MRPL44: variants seen among roughly 807,000 people sequenced by gnomAD.
MRPL44 encodes the protein mitochondrial ribosomal protein L44.
In MRPL44, 21 loss-of-function variants were observed where a neutral mutation model predicts 25.9. That is an observed-to-expected ratio of 0.81 (90% CI 0.58 to 1.17). The LOEUF is 1.17. MRPL44 is among the 50% of genes most tolerant of loss of function. The pLI, the probability that MRPL44 is intolerant of heterozygous loss-of-function variation, is 0.00. For missense variants in MRPL44, 410 were observed against 398.9 expected, an observed-to-expected ratio of 1.03 and a Z score of -0.24; for synonymous variants, 169 against 151.0, an observed-to-expected ratio of 1.12 and a Z score of -0.87.
chr2:223,956,555 G>A (rs992472731), upstream of MRPL44, among the ~76,000 whole-genome samples: 3 of 152,308 alleles, frequency 2.0e-5, no homozygotes, highest in Admixed American at 2.0e-4. Context: ...AATGGAAAAA[G>A]CACTTGGTGG....
upstream of MRPL44, among the ~76,000 whole-genome samples, chr2:223,953,729 C>A (rs1221337311): frequency 6.6e-6 from 1 of 152,166 alleles, no homozygotes; most frequent in Non-Finnish European, 1.5e-5. Context: ...GCCAGGAGTT[C>A]TTTTAACCCA....
Position 223,959,679 on chromosome 2 carries a change from G to C in MRPL44, c.325G>C (p.Gly109Arg). The C allele has an allele frequency of 6.2e-7, 1 of 1,614,204 alleles. No homozygotes were observed. The highest frequency in any genetic ancestry group is 8.5e-7 in the Non-Finnish European group (1 of 1,180,042). ...KSEEAKRQQL[G>R]IEKEAVLLNL... ...TGAGGAGGCCAAACGCCAACAACTT[G>C]GGATAGAGAAAGAAGCTGTTCTTCT... The change falls in exon 2 of 4, where the codon GGG (glycine) becomes CGG (arginine). Residue 109 changes from glycine to arginine, a missense_variant. Physicochemically the swap from Gly to Arg is moderately radical, Grantham distance 125 (BLOSUM62 -2). Coordinates refer to ENST00000258383, the MANE Select transcript of MRPL44 (RefSeq NM_022915.5).
At position 223,967,254 on chromosome 2, in the gene MRPL44, A is replaced by G. The variant is rs879054805; in HGVS notation, c.*220A>G. On this transcript the variant is annotated 3_prime_UTR_variant, in exon 4 of 4. Transcript: ENST00000258383. The stretch of plus-strand genomic sequence containing the variant: ...CAAATCTTTTTTTTTTTCTCTTGAG[A>G]TGGAGTCTTACTCTGTCGCCCAGGC... 6.0e-6 allele frequency: 3 copies of G among 497,072 alleles called. No individual in the cohort carries two copies. In the South Asian group the frequency reaches 8.4e-5, roughly 14 times the overall value. The allele number at this position is 497,072 out of a possible 1,614,324, so 30.8% of individuals were successfully genotyped here. A position where few individuals can be genotyped will look rare whatever the true frequency, so the allele number is the denominator to read the frequency against.
chr2:223,961,901 G>T lies in MRPL44; in HGVS notation c.649-1855G>T, dbSNP rs575784533. On this transcript the variant is annotated intron_variant, in intron 2 of 3. Transcript: ENST00000258383. ...ATCTTAGATGATGGGAAAGAGCTGT[G>T]TTTCCTAACCTTACACTTGGTTATT... Among the ~76,000 whole-genome samples the T allele has an allele frequency of 2.6e-5, 4 of 152,258 alleles. No homozygotes were observed. In the East Asian group the frequency reaches 7.7e-4, roughly 29 times the overall value.
At chr2:223,960,051 A>C in intron 2 of MRPL44, 49 bp downstream of exon 2, 1 of 1,408,322 alleles carries the variant, frequency 7.1e-7, no homozygotes, top group Non-Finnish European at 9.7e-7. Flanking sequence ...AAGGGAAAAT[A>C]TTCTTTTGTA....
chr2:223,951,919 C>G, the MRPL44 span, among the ~76,000 whole-genome samples: 1 of 152,082 alleles, frequency 6.6e-6, no homozygotes, highest in Non-Finnish European at 1.5e-5. Context: ...ATCATAAATG[C>G]CAATATTATT....
upstream of MRPL44, chr2:223,957,372 C>T (rs904520268): frequency 4.5e-5 from 66 of 1,482,612 alleles, no homozygotes; most frequent in Non-Finnish European, 6.1e-5. Context: ...TCCGCCCCAG[C>T]CTTCTCTTCG....
intron 1 of MRPL44, among the ~76,000 whole-genome samples, chr2:223,958,255 T>G (rs1030222575): frequency 1.3e-5 from 2 of 152,224 alleles, no homozygotes; most frequent in Admixed American, 6.5e-5. Flanking sequence ...CAAAGATATG[T>G]ACCTCACTCT....
Position 223,957,543 on chromosome 2 carries a change from T to A in MRPL44, c.71T>A (p.Leu24Gln). 1 of 1,614,096 alleles carries A rather than the reference T, an allele frequency of 6.2e-7. No homozygotes were observed. Among genetic ancestry groups the A allele is most frequent in the Non-Finnish European group, 8.5e-7 (1 of 1,180,024 alleles). The change falls in exon 1 of 4, where the codon CTG becomes CAG. Residue 24 changes from leucine to glutamine, a missense_variant. Physicochemically the swap from Leu to Gln is moderately radical, Grantham distance 113. Coordinates refer to ENST00000258383, the MANE Select transcript of MRPL44 (RefSeq NM_022915.5). ...RCLLAPVAPKLVPPVRGVKKG... is the reference protein window; with the variant it reads ...RCLLAPVAPKQVPPVRGVKKG... The stretch of plus-strand genomic sequence containing the variant: ...CTCCTGGCTCCAGTCGCCCCCAAGC[T>A]GGTCCCTCCGGTTCGGGGAGTGAAG...
intron 2 of MRPL44, among the ~76,000 whole-genome samples, chr2:223,960,242 C>CT (rs1289039034): frequency 6.6e-6 from 1 of 152,130 alleles, no homozygotes; most frequent in African/African-American, 2.4e-5. Flanking sequence ...GCCATATCAT[C>CT]TTTAAGTTTA....
chr2:223,956,466 A>C (rs778856155), upstream of MRPL44, among the ~76,000 whole-genome samples: 1 of 152,072 alleles, frequency 6.6e-6, no homozygotes, highest in Non-Finnish European at 1.5e-5. Flanking sequence ...GTGTCTGGGG[A>C]AGGGAGGAAG....
chr2:223,957,651 G>A lies in MRPL44; in HGVS notation c.179G>A (p.Arg60His), dbSNP rs1284524716. The A allele has an allele frequency of 6.2e-7, 1 of 1,604,884 alleles. No homozygotes were observed. Among genetic ancestry groups the A allele is most frequent in the Non-Finnish European group, 8.5e-7 (1 of 1,179,118 alleles). Residue 60 changes from arginine to histidine, a missense_variant and splice_region_variant, in exon 1 of 4, where the codon CGT becomes CAT. Transcript: ENST00000258383. ...LLRCPPPPVRRSEKPNWDYHA... is the reference protein window; with the variant it reads ...LLRCPPPPVRHSEKPNWDYHA... Reference sequence around the variant, plus strand: ...CGGTGCCCGCCGCCGCCCGTGCGCCGGTAGGAGCCACCTCGGGAAGAGGTC... The same window carrying A: ...CGGTGCCCGCCGCCGCCCGTGCGCCAGTAGGAGCCACCTCGGGAAGAGGTC...
chr2:223,960,123 A>G (rs1250212975), intron 2 of MRPL44, 121 bp downstream of exon 2: 8 of 755,444 alleles, frequency 1.1e-5, no homozygotes, highest in Non-Finnish European at 1.7e-5. Flanking sequence ...ACTGAGAAAG[A>G]CCTAAAGGTT....
At chr2:223,951,210 C>A in the MRPL44 span, among the ~76,000 whole-genome samples, 62,195 of 152,058 alleles carry the variant, frequency 0.41, 13,431 homozygotes, top group Non-Finnish European at 0.48. Context: ...AGGGGTAAAA[C>A]CTGATTGAAG....
At position 223,963,797 on chromosome 2, in the gene MRPL44, G is replaced by C. The variant is rs372456558; in HGVS notation, c.690G>C (p.Glu230Asp). 1 of 1,612,430 alleles carries C rather than the reference G, an allele frequency of 6.2e-7. No homozygotes were observed. The highest frequency in any genetic ancestry group is 8.5e-7 in the Non-Finnish European group (1 of 1,179,326). ...AAATGACTGGAAAAGAGCTCTTTGA[G>C]ATGTGGAAGATAATAAATCCCATGG... ...ITQMTGKELF[E>D]MWKIINPMGL... is the part of the protein sequence containing the mutation. Residue 230 changes from glutamate (E) to aspartate (D), a missense_variant, in exon 3 of 4, where the codon GAG (glutamate) becomes GAC (aspartate). Transcript: ENST00000258383.
At chr2:223,963,559 C>T (rs1689696426) in intron 2 of MRPL44, among the ~76,000 whole-genome samples, 197 bp from the exon 3 acceptor site, 1 of 151,820 alleles carries the variant, frequency 6.6e-6, no homozygotes. Context: ...ATGATTTTTG[C>T]AATAAAATTA....
chr2:223,958,040 A>T (rs1689599098), intron 1 of MRPL44, among the ~76,000 whole-genome samples: 1 of 152,186 alleles, frequency 6.6e-6, no homozygotes, highest in African/African-American at 2.4e-5. Flanking sequence ...ATTAATCTAC[A>T]ACCTGAATTC....
chr2:223,960,475 C>T (rs1021457398), intron 2 of MRPL44, among the ~76,000 whole-genome samples: 1 of 152,226 alleles, frequency 6.6e-6, no homozygotes, highest in Non-Finnish European at 1.5e-5. Flanking sequence ...TACAACTTGA[C>T]TCCCACTGTC....
At chr2:223,963,666 T>G in intron 2 of MRPL44, 90 bp from the exon 3 acceptor site, 3 of 805,284 alleles carry the variant, frequency 3.7e-6, no homozygotes, top group Non-Finnish European at 5.2e-6. Context: ...CTGTGGCTTC[T>G]CTAATTTAAA....
Sources: allele counts gnomAD v4.1 joint callset (sites outside exome capture counted in the v4.1 genomes callset), GRCh38; gene constraint gnomAD v4.1.1; transcripts MANE v1.5; gene names NCBI Gene and HGNC (gene_info 2026-07-23, HGNC 2026-07-21).